The following TATDN2 variants were observed in gnomAD, a reference collection of about 807,000 sequenced individuals.
TATDN2 encodes 3'-5' RNA nuclease TATDN2.
A neutral mutation model predicts 60.3 loss-of-function variants in TATDN2; 44 were observed. That is an observed-to-expected ratio of 0.73 (90% CI 0.57 to 0.94). The LOEUF is 0.94. Ranked by LOEUF, TATDN2 falls within the 40% of genes least tolerant of loss-of-function variation. The pLI is 0.00. For missense variants in TATDN2, 997 were observed against 948.0 expected, an observed-to-expected ratio of 1.05 and a Z score of -0.68; for synonymous variants, 399 against 355.8, an observed-to-expected ratio of 1.12 and a Z score of -1.37.
chr3:10,248,872 G>A lies in TATDN2; in HGVS notation c.-202G>A. On this transcript the variant is annotated 5_prime_UTR_variant, in exon 1 of 8. Coordinates refer to ENST00000448281, the MANE Select transcript of TATDN2 (RefSeq NM_014760.4). ...TATTGCAAACTGATCAAAGCGCTTCGTAGCCCCGGAAGCGCTTAGGCATCT... is the reference window on the plus strand; with the variant it reads ...TATTGCAAACTGATCAAAGCGCTTCATAGCCCCGGAAGCGCTTAGGCATCT... 1 of 319,190 alleles carries A rather than the reference G, an allele frequency of 3.1e-6. No individual in the cohort carries two copies. Among genetic ancestry groups the A allele is most frequent in the East Asian group, 5.0e-5 (1 of 19,962 alleles). 19.8% of individuals were successfully genotyped at this position (319,190 alleles called of 1,614,324 possible). A position where few individuals can be genotyped will look rare whatever the true frequency, so the allele number is the denominator to read the frequency against.
chr3:10,258,021 C>G (rs183545264), intron 2 of TATDN2, among the ~76,000 whole-genome samples: 1 of 149,212 alleles, frequency 6.7e-6, no homozygotes, highest in African/African-American at 2.5e-5. Flanking sequence ...CCACCACGCA[C>G]GGCTAATTTT....
rs1286864988 is a variant in TATDN2, at chr3:10,279,255, T to G, written c.*73T>G. 1.9e-6 allele frequency: 1 copy of G among 533,506 alleles called. No homozygotes were observed. The highest frequency in any genetic ancestry group is 3.3e-6 in the Non-Finnish European group (1 of 305,722). The allele number at this position is 533,506 out of a possible 1,614,324, so 33.0% of individuals were successfully genotyped here. On this transcript the variant is annotated 3_prime_UTR_variant, in exon 8 of 8. Transcript: ENST00000448281. ...CAGCCTGACAGAACACAGGCTGGCT[T>G]GAAGTCTGTGTCTCAGGTCGAGGAT...
At chr3:10,258,616 C>T (rs1445740315) in intron 2 of TATDN2, among the ~76,000 whole-genome samples, 1 of 151,902 alleles carries the variant, frequency 6.6e-6, no homozygotes, top group Admixed American at 6.6e-5. Flanking sequence ...TTACAGGTGC[C>T]CGCCACCATG....
chr3:10,252,942 C>T lies in TATDN2; in HGVS notation c.414+3328C>T, dbSNP rs139902929. Among the ~76,000 whole-genome samples, 197 of 151,000 alleles carry T rather than the reference C, an allele frequency of 1.3e-3. 1 individual carries two copies. The highest frequency in any genetic ancestry group is 4.1e-3 in the African/African-American group (167 of 41,018). On this transcript the variant is annotated intron_variant, in intron 2 of 7. Transcript: ENST00000448281. ...TGCAATCTCGGCTCACTGCAAGCTC[C>T]GCCTCCCGGGTTCACGCCATTCTCC...
At position 10,278,245 on chromosome 3, in the gene TATDN2, T is replaced by C. The variant is rs750500081; in HGVS notation, c.1962-34T>C. 4 of 1,598,372 alleles carry C rather than the reference T, an allele frequency of 2.5e-6. No homozygotes were observed. In the East Asian group the frequency reaches 6.7e-5, roughly 27 times the overall value. On this transcript the variant is annotated intron_variant, in intron 5 of 7. Coordinates refer to ENST00000448281, the MANE Select transcript of TATDN2 (RefSeq NM_014760.4). This position sits in a 1 kb window ranked among gnomAD's most constrained non-coding sequence, Gnocchi z 4.7. ...AGCTGGGGGCTGCTGCAGAGGGGAC[T>C]GTGAGCAGCCCTGATGTGGAGTTCT...
Position 10,278,934 on chromosome 3 carries a change from C to T in TATDN2, c.2195C>T (p.Thr732Met), listed in dbSNP as rs1229635528. The change falls in exon 7 of 8, where the codon ACG becomes ATG. Residue 732 changes from threonine (T) to methionine (M), a missense_variant. By Grantham distance (81) the Thr-to-Met change is moderately conservative. Transcript: ENST00000448281. This position sits in a 1 kb window ranked among gnomAD's most constrained non-coding sequence, Gnocchi z 4.7. ...GCCCACCCGGGCCTGGCCTTGCATACGGTCCGAGAGATTGCCAGAGTCAAA... is the reference window on the plus strand; with the variant it reads ...GCCCACCCGGGCCTGGCCTTGCATATGGTCCGAGAGATTGCCAGAGTCAAA... ...QYAHPGLALH[T>M]VREIARVKDQ... 5.0e-6 allele frequency: 8 copies of T among 1,612,682 alleles called. No homozygotes were observed. The highest frequency in any genetic ancestry group is 1.3e-5 in the African/African-American group (1 of 74,818).
At chr3:10,277,160 G>A (rs1043877503) in intron 5 of TATDN2, among the ~76,000 whole-genome samples, 4 of 152,116 alleles carry the variant, frequency 2.6e-5, no homozygotes, top group African/African-American at 4.8e-5. Context: ...TAGGGTACTT[G>A]AAAGGACATT....
chr3:10,254,269 G>A (rs907715323), intron 2 of TATDN2, among the ~76,000 whole-genome samples: 8 of 152,188 alleles, frequency 5.3e-5, no homozygotes, highest in Non-Finnish European at 1.2e-4. Flanking sequence ...CAAGGGTCAG[G>A]GGAATGAGCG....
rs1698545549 is a variant in TATDN2, at chr3:10,270,559, G to A, written c.1377G>A (p.Val459=). The part of the protein sequence containing the change: ...RFSRSSEERE[V]KEKRTFQEEM... The stretch of plus-strand genomic sequence containing the variant: ...CCAGAAGCTCAGAAGAAAGAGAGGT[G>A]AAGGAGAAAAGAACATTCCAAGAGG... The change falls in exon 4 of 8, where the codon GTG becomes GTA. Residue 459 remains valine, a synonymous_variant. Transcript: ENST00000448281. 6.2e-7 allele frequency: 1 copy of A among 1,614,126 alleles called. No homozygotes were observed.
At position 10,249,482 on chromosome 3, in the gene TATDN2, C is replaced by T. The variant is rs750665311; in HGVS notation, c.282C>T (p.Gly94=). 2.8e-5 allele frequency: 45 copies of T among 1,613,242 alleles called. No homozygotes were observed. The highest frequency in any genetic ancestry group is 3.5e-5 in the Non-Finnish European group (41 of 1,179,724). The stretch of plus-strand genomic sequence containing the variant: ...CACATTTCTTGGGCCCTGGTGTGGG[C>T]GGGGCCGCCTCCAAAGGCTGCCTGA... ...FSPHFLGPGV[G]GAASKGCLIR... The change falls in exon 2 of 8, where the codon GGC becomes GGT. Residue 94 remains glycine (G), a synonymous_variant. Transcript: ENST00000448281.
intron 2 of TATDN2, among the ~76,000 whole-genome samples, chr3:10,255,305 T>G (rs1698292800): frequency 6.6e-6 from 1 of 151,848 alleles, no homozygotes; most frequent in Non-Finnish European, 1.5e-5. Flanking sequence ...GGAGCCACCA[T>G]GCCCAGCCAA....
At chr3:10,252,777 C>T (rs1035077756) in intron 2 of TATDN2, among the ~76,000 whole-genome samples, 1 of 151,010 alleles carries the variant, frequency 6.6e-6, no homozygotes. Flanking sequence ...TGCATCTCAA[C>T]CTCCTGGGCT....
chr3:10,253,814 C>T (rs1404557259), intron 2 of TATDN2, among the ~76,000 whole-genome samples: 2 of 152,206 alleles, frequency 1.3e-5, no homozygotes, highest in Non-Finnish European at 2.9e-5. Context: ...AGGCACTGGG[C>T]AGATGAGATT....
intron 2 of TATDN2, among the ~76,000 whole-genome samples, chr3:10,254,169 A>G (rs1698269722): frequency 6.6e-6 from 1 of 152,188 alleles, no homozygotes; most frequent in Non-Finnish European, 1.5e-5. Context: ...GTTGTTGCCA[A>G]GGACAATCGG....
chr3:10,279,154 C>T lies in TATDN2; in HGVS notation c.*39-67C>T, dbSNP rs144198690. 520 of 1,256,764 alleles carry T rather than the reference C, an allele frequency of 4.1e-4. 3 individuals are homozygous for T. The African/African-American group carries it at 7.1e-3, about 17-fold the overall frequency. 77.9% of individuals were successfully genotyped at this position (1,256,764 alleles called of 1,614,324 possible). A position where few individuals can be genotyped will look rare whatever the true frequency, so the allele number is the denominator to read the frequency against. ...GTAAAGAATATAAACATAGTATGAG[C>T]ATTAAGCCTGATTTGTTTTGAGTGA... On this transcript the variant is annotated intron_variant, in intron 7 of 7. Coordinates refer to ENST00000448281, the MANE Select transcript of TATDN2 (RefSeq NM_014760.4).
intron 5 of TATDN2, among the ~76,000 whole-genome samples, chr3:10,277,673 C>T (rs1430497128): frequency 2.6e-5 from 4 of 152,158 alleles, no homozygotes; most frequent in African/African-American, 9.7e-5. Flanking sequence ...GTTGGCTTTT[C>T]TGGGTCGGTT....
intron 3 of TATDN2, among the ~76,000 whole-genome samples, chr3:10,269,457 T>G (rs1698525545): frequency 1.3e-5 from 2 of 152,184 alleles, no homozygotes; most frequent in Non-Finnish European, 2.9e-5. Flanking sequence ...GCCTGTAATT[T>G]CAGCATTTTG....
At chr3:10,265,863 C>G (rs1265092492) in intron 3 of TATDN2, among the ~76,000 whole-genome samples, 2 of 152,004 alleles carry the variant, frequency 1.3e-5, no homozygotes, top group African/African-American at 2.4e-5. Flanking sequence ...GAGCAGGGGT[C>G]TGGAGATCTT....
intron 2 of TATDN2, among the ~76,000 whole-genome samples, chr3:10,259,345 T>C (rs997004584): frequency 4.6e-5 from 7 of 152,210 alleles, no homozygotes; most frequent in Non-Finnish European, 8.8e-5. Flanking sequence ...GGAATGCAAA[T>C]GGGATAATGG....
Sources: gnomAD v4.1 joint callset for allele counts (sites outside exome capture counted in the v4.1 genomes callset) on GRCh38, gnomAD v4.1.1 for gene constraint, Gnocchi (gnomAD v3.1) non-coding constraint, MANE v1.5 for transcripts, NCBI Gene and HGNC (gene_info 2026-07-23, HGNC 2026-07-21) for gene names.